Variants in NRXN1 observed in about 807,000 individuals in gnomAD.
The protein encoded by NRXN1 is neurexin-1.
A neutral mutation model predicts 150.9 loss-of-function variants in NRXN1; 39 were observed. The observed-to-expected ratio is 0.26, with a 90% CI of 0.20 to 0.34. The LOEUF is 0.34. Among genes scored for constraint, NRXN1 ranks in the 10% least tolerant of loss-of-function variants. The pLI, the probability that NRXN1 is intolerant of heterozygous loss-of-function variation, is 1.00. For missense variants in NRXN1, 1,815 were observed against 1,949.9 expected, an observed-to-expected ratio of 0.93 and a Z score of 1.30; for synonymous variants, 924 against 757.0, an observed-to-expected ratio of 1.22 and a Z score of -3.62.
At chr2:50,201,671 TG>T (rs2062174097) in intron 18 of NRXN1, among the ~76,000 whole-genome samples, 1 of 152,194 alleles carries the variant, frequency 6.6e-6, no homozygotes, top group South Asian at 2.1e-4. Flanking sequence ...CAAAACTAAA[TG>T]GCTTAAAACA....
At chr2:50,834,432 C>A (rs1022054567) in intron 5 of NRXN1, among the ~76,000 whole-genome samples, 2 of 152,132 alleles carry the variant, frequency 1.3e-5, no homozygotes, top group African/African-American at 4.8e-5. Context: ...AACAACTCAA[C>A]TGCTAGAATT....
At chr2:50,397,322 G>T (rs1190520459) in intron 17 of NRXN1, among the ~76,000 whole-genome samples, 3 of 152,092 alleles carry the variant, frequency 2.0e-5, no homozygotes, top group Non-Finnish European at 4.4e-5. Context: ...ACCTAATGCT[G>T]ACTTAGCCTT....
In NRXN1 at chr2:50,346,870, GCGCCGC is replaced by G. The variant is rs750165040; in HGVS notation, c.3365-109906_3365-109901del. 164 of 1,366,588 alleles carry G rather than the reference GCGCCGC, an allele frequency of 1.2e-4. 1 individual carries two copies. Among genetic ancestry groups the G allele is most frequent in the Middle Eastern group, 2.3e-4 (1 of 4,256 alleles). The allele number at this position is 1,366,588 out of a possible 1,614,324, so 84.7% of individuals were successfully genotyped here. A position where few individuals can be genotyped will look rare whatever the true frequency, so the allele number is the denominator to read the frequency against. On this transcript the variant is annotated intron_variant, in intron 17 of 22. Transcript: ENST00000401669. This position sits in a 1 kb window ranked among gnomAD's most constrained non-coding sequence, Gnocchi z 5.0. ...CCAAAGCAGGGCCAGGCGCCCCCCTGCGCCGCCGCCGCCGCCGCCGCCGCCGCCGCC... is the reference window on the plus strand; with the variant it reads ...CCAAAGCAGGGCCAGGCGCCCCCCTGCGCCGCCGCCGCCGCCGCCGCCGCC...
chr2:50,738,237 G>C (rs560080363), intron 5 of NRXN1, among the ~76,000 whole-genome samples: 2 of 152,222 alleles, frequency 1.3e-5, no homozygotes, highest in South Asian at 4.2e-4. Flanking sequence ...GTGATACACT[G>C]GGCAAATTTT....
intron 19 of NRXN1, among the ~76,000 whole-genome samples, chr2:50,081,837 G>T (rs1558836261): frequency 6.6e-6 from 1 of 152,140 alleles, no homozygotes; most frequent in Non-Finnish European, 1.5e-5. Context: ...GAGTGTTTGA[G>T]AAAGTATTAC....
At chr2:50,244,214 G>A (rs182419069) in intron 17 of NRXN1, among the ~76,000 whole-genome samples, 6 of 151,908 alleles carry the variant, frequency 3.9e-5, no homozygotes, top group Admixed American at 2.6e-4. Context: ...CTAAAAACAA[G>A]TGTATACCAC....
At chr2:49,964,671 C>A (rs1047028215) in intron 21 of NRXN1, among the ~76,000 whole-genome samples, 1 of 151,938 alleles carries the variant, frequency 6.6e-6, no homozygotes, top group Admixed American at 6.6e-5. Flanking sequence ...GAAACCATGT[C>A]TCTACTAAAA....
intron 17 of NRXN1, among the ~76,000 whole-genome samples, chr2:50,277,556 CTCTT>C (rs150252679): frequency 0.43 from 63,936 of 148,856 alleles, 13,932 homozygotes; most frequent in African/African-American, 0.46. Flanking sequence ...CTCCCTCTTT[CTCTT>C]TCTTTCTTTC....
intron 18 of NRXN1, among the ~76,000 whole-genome samples, chr2:50,129,934 T>G (rs11886553): frequency 0.11 from 16,121 of 152,252 alleles, 1,082 homozygotes; most frequent in East Asian, 0.18. Flanking sequence ...ATAATTTATA[T>G]TTTCTATATC....
Position 50,522,719 on chromosome 2 carries a change from C to CCTTTTTTTTTTTTTT in NRXN1, c.2374+5905_2374+5906insAAAAAAAAAAAAAAG, listed in dbSNP as rs1323306682. ...TTCCATTTATTCATTTATTTTTATT[C>CCTTTTTTTTTTTTTT]ATTTTTTTTTTTTTTTTTTTTTTTT... On this transcript the variant is annotated intron_variant, in intron 12 of 22. Coordinates refer to ENST00000401669, the MANE Select transcript of NRXN1 (RefSeq NM_001330078.2). 5.3e-4 allele frequency among the ~76,000 whole-genome samples: 46 copies of CCTTTTTTTTTTTTTT among 86,558 alleles called. 15 individuals carry two copies. Among genetic ancestry groups the CCTTTTTTTTTTTTTT allele is most frequent in the East Asian group, 8.4e-4 (2 of 2,382 alleles). The allele number at this position is 86,558 out of a possible 152,430, so 56.8% of individuals were successfully genotyped here. A position where few individuals can be genotyped will look rare whatever the true frequency, so the allele number is the denominator to read the frequency against.
chr2:50,177,641 C>T (rs774593843), intron 18 of NRXN1, among the ~76,000 whole-genome samples: 8 of 151,744 alleles, frequency 5.3e-5, no homozygotes, highest in Admixed American at 2.0e-4. Context: ...TTGATGCAAA[C>T]GCCTAAATAC....
At chr2:50,012,438 T>A (rs964646938) in intron 21 of NRXN1, among the ~76,000 whole-genome samples, 2 of 152,120 alleles carry the variant, frequency 1.3e-5, no homozygotes. Context: ...CATGGTGTCA[T>A]CTCTTCACCA....
At chr2:50,597,262 C>T (rs1283926895) in intron 8 of NRXN1, among the ~76,000 whole-genome samples, 5 of 152,168 alleles carry the variant, frequency 3.3e-5, no homozygotes, top group Non-Finnish European at 5.9e-5. Context: ...GACTGACCCT[C>T]TAGCCATATC....
At chr2:50,631,225 C>T (rs1682263219) in intron 5 of NRXN1, 2 of 388,616 alleles carry the variant, frequency 5.1e-6, no homozygotes, top group South Asian at 2.1e-5. Context: ...TGTTCTGCAG[C>T]GAGTAATCAA....
intron 21 of NRXN1, among the ~76,000 whole-genome samples, chr2:49,979,372 C>A (rs1679580297): frequency 6.6e-6 from 1 of 152,188 alleles, no homozygotes; most frequent in Admixed American, 6.5e-5. Context: ...CCTTCTCTTT[C>A]CCATGCTGAT....
At chr2:51,013,212 G>C (rs1425827323) in intron 2 of NRXN1, among the ~76,000 whole-genome samples, 1 of 151,986 alleles carries the variant, frequency 6.6e-6, no homozygotes, top group African/African-American at 2.4e-5. Context: ...AACGTTTAAG[G>C]AAACATGAAA....
intron 5 of NRXN1, among the ~76,000 whole-genome samples, chr2:50,817,769 AG>A (rs1669139430): frequency 6.6e-6 from 1 of 152,228 alleles, no homozygotes; most frequent in South Asian, 2.1e-4. Flanking sequence ...CAATAGATGC[AG>A]GGGGTAAAAA....
intron 18 of NRXN1, among the ~76,000 whole-genome samples, chr2:50,234,525 A>G (rs1417153575): frequency 6.6e-6 from 1 of 152,122 alleles, no homozygotes; most frequent in Middle Eastern, 3.2e-3. Flanking sequence ...CAACATGGAA[A>G]GAAATGACTT....
intron 5 of NRXN1, among the ~76,000 whole-genome samples, chr2:50,765,273 A>C (rs1222614151): frequency 6.6e-6 from 1 of 151,996 alleles, no homozygotes; most frequent in Non-Finnish European, 1.5e-5. Context: ...AACAAAAACT[A>C]CTTAAGCTTC....
Sources: gnomAD v4.1 joint callset for allele counts (sites outside exome capture counted in the v4.1 genomes callset) on GRCh38, gnomAD v4.1.1 for gene constraint, Gnocchi (gnomAD v3.1) non-coding constraint, MANE v1.5 for transcripts, NCBI Gene and HGNC (gene_info 2026-07-23, HGNC 2026-07-21) for gene names.